The following CCSER2 variants were observed in gnomAD, a reference collection of about 807,000 sequenced individuals.
CCSER2 encodes the protein coiled-coil serine rich protein 2, also known as serine-rich coiled-coil domain-containing protein 2.
A neutral mutation model predicts 92.3 loss-of-function variants in CCSER2; 46 were observed. The ratio of observed to expected loss-of-function variants is 0.50; its 90% CI spans 0.39 to 0.64. CCSER2 has a LOEUF of 0.64. Ranked by LOEUF, CCSER2 falls within the 30% of genes least tolerant of loss-of-function variation. CCSER2 has a pLI of 0.00. For missense variants in CCSER2, 1,244 were observed against 1,238.9 expected (o/e 1.00, Z -0.06); for synonymous variants, 433 against 431.4 (o/e 1.00, Z -0.04).
chr10:84,356,101 C>CAAAAA (rs57079136), intron 1 of CCSER2, among the ~76,000 whole-genome samples: 1 of 84,070 alleles, frequency 1.2e-5, no homozygotes, highest in South Asian at 4.0e-4. Flanking sequence ...GAAACTGTCT[C>CAAAAA]AAAAAAAAAA....
chr10:84,468,933 G>A (rs892459110), intron 7 of CCSER2, among the ~76,000 whole-genome samples: 4 of 152,062 alleles, frequency 2.6e-5, no homozygotes, highest in African/African-American at 9.7e-5. Flanking sequence ...ATTACATTGG[G>A]TATTTCACCA....
chr10:84,427,834 A>C (rs181616330), intron 5 of CCSER2, among the ~76,000 whole-genome samples: 44 of 152,302 alleles, frequency 2.9e-4, no homozygotes, highest in Admixed American at 2.5e-3. Flanking sequence ...TCTTTCCCAA[A>C]TATACTACTT....
Position 84,347,026 on chromosome 10 carries a change from A to G in CCSER2, c.-40+18218A>G, listed in dbSNP as rs527860355. Among the ~76,000 whole-genome samples, 393 of 152,290 alleles carry G rather than the reference A, an allele frequency of 2.6e-3. 1 individual carries two copies. The highest frequency in any genetic ancestry group is 8.5e-3 in the African/African-American group (355 of 41,564). On this transcript the variant is annotated intron_variant, in intron 1 of 9. Coordinates refer to ENST00000372088, the MANE Select transcript of CCSER2 (RefSeq NM_001284240.2). ...TTCAAGCATCTGTTTAACAAAGCAC[A>G]TCTTGCACCGCCCTTAATCCATTTA...
At chr10:84,431,034 C>G (rs976389483) in intron 5 of CCSER2, among the ~76,000 whole-genome samples, 2 of 152,120 alleles carry the variant, frequency 1.3e-5, no homozygotes, top group Admixed American at 6.5e-5. Context: ...CATATGCTTT[C>G]TCACCTTCCA....
chr10:84,461,524 T>C (rs1846099901), intron 6 of CCSER2, among the ~76,000 whole-genome samples: 1 of 152,290 alleles, frequency 6.6e-6, no homozygotes, highest in African/African-American at 2.4e-5. Context: ...GATTGGATAA[T>C]TTTTGTTGAT....
intron 3 of CCSER2, among the ~76,000 whole-genome samples, chr10:84,394,538 C>T (rs955166109): frequency 7.3e-5 from 11 of 151,606 alleles, no homozygotes; most frequent in African/African-American, 2.2e-4. Flanking sequence ...TTTTAGCATA[C>T]GGAACAGCAT....
intron 4 of CCSER2, among the ~76,000 whole-genome samples, chr10:84,424,480 A>G (rs1843326164): frequency 6.6e-6 from 1 of 152,212 alleles, no homozygotes; most frequent in African/African-American, 2.4e-5. Flanking sequence ...ATTGTTATAC[A>G]TTTAGAGGAA....
intron 3 of CCSER2, among the ~76,000 whole-genome samples, chr10:84,405,355 G>A (rs548869612): frequency 1.3e-5 from 2 of 150,346 alleles, no homozygotes; most frequent in African/African-American, 4.8e-5. Context: ...TAATTGTGAA[G>A]TGTAAAACTG....
At chr10:84,432,032 A>G (rs942612961) in intron 5 of CCSER2, among the ~76,000 whole-genome samples, 6 of 152,160 alleles carry the variant, frequency 3.9e-5, no homozygotes, top group Non-Finnish European at 8.8e-5. Context: ...GCAATGAATG[A>G]GAACTTCTGT....
intron 9 of CCSER2, among the ~76,000 whole-genome samples, chr10:84,479,067 T>C (rs1314346601): frequency 3.3e-5 from 5 of 152,188 alleles, no homozygotes; most frequent in Admixed American, 3.3e-4. Flanking sequence ...TTAAGCATGA[T>C]AAGTTCCATT....
chr10:84,378,591 C>T (rs1248086643), intron 3 of CCSER2, among the ~76,000 whole-genome samples: 4 of 151,982 alleles, frequency 2.6e-5, no homozygotes, highest in Admixed American at 1.3e-4. Context: ...CCTGCCATCA[C>T]GCCTGGCTAA....
Position 84,398,884 on chromosome 10 carries a change from A to G in CCSER2, c.1615-18887A>G, listed in dbSNP as rs1377861487. 2.0e-5 allele frequency among the ~76,000 whole-genome samples: 3 copies of G among 152,206 alleles called. No homozygotes were observed. In the East Asian group the frequency reaches 5.8e-4, roughly 29 times the overall value. ...CTGTTTTCTTGGTCTGGGAACCAGTATATTTTAAGGAAGTTTCTTCTGTAC... is the reference window on the plus strand; with the variant it reads ...CTGTTTTCTTGGTCTGGGAACCAGTGTATTTTAAGGAAGTTTCTTCTGTAC... On this transcript the variant is annotated intron_variant, in intron 3 of 9. Transcript: ENST00000372088.
chr10:84,361,929 C>T (rs1389266562), intron 1 of CCSER2, among the ~76,000 whole-genome samples: 2 of 152,108 alleles, frequency 1.3e-5, no homozygotes, highest in African/African-American at 4.8e-5. Context: ...CGTGAGCCAC[C>T]GTGCCTGGCC....
In CCSER2 at chr10:84,359,540, T is replaced by C. The variant is rs562965124; in HGVS notation, c.-39-11474T>C. 2.2e-3 allele frequency among the ~76,000 whole-genome samples: 337 copies of C among 152,140 alleles called. 6 individuals are homozygous for C. Among genetic ancestry groups the C allele is most frequent in the Non-Finnish European group, 1.2e-3 (82 of 68,014 alleles). ...AGAAAATCTATTTTTAACAAGTTTCTAGGTGTTATTGATGCTACTGCTGAT... is the reference window on the plus strand; with the variant it reads ...AGAAAATCTATTTTTAACAAGTTTCCAGGTGTTATTGATGCTACTGCTGAT... On this transcript the variant is annotated intron_variant, in intron 1 of 9. Transcript: ENST00000372088.
chr10:84,455,491 G>T (rs1423051279), intron 6 of CCSER2: 4 of 303,592 alleles, frequency 1.3e-5, no homozygotes, highest in African/African-American at 6.7e-5. Flanking sequence ...GGCCAGGCTG[G>T]TCTCAAACTC....
rs1004640171 is a variant in CCSER2, at chr10:84,391,899, G to T, written c.1614+18084G>T. 17 of 1,353,396 alleles carry T rather than the reference G, an allele frequency of 1.3e-5. No individual in the cohort carries two copies. The African/African-American group carries it at 2.4e-4, about 19-fold the overall frequency. 83.8% of individuals were successfully genotyped at this position (1,353,396 alleles called of 1,614,324 possible). A position where few individuals can be genotyped will look rare whatever the true frequency, so the allele number is the denominator to read the frequency against. ...TTTTTTGTGATGCTGTTGCATCATG[G>T]ATTAACCCAAAAGATGATCTCAGAG... On this transcript the variant is annotated intron_variant, in intron 3 of 9. Coordinates refer to ENST00000372088, the MANE Select transcript of CCSER2 (RefSeq NM_001284240.2).
At chr10:84,391,471 T>G in intron 3 of CCSER2, 1 of 1,566,696 alleles carries the variant, frequency 6.4e-7, no homozygotes, top group Non-Finnish European at 8.8e-7. Flanking sequence ...AAGCTTGCTT[T>G]CAGCATGTTA....
chr10:84,444,579 G>T (rs190227971), intron 6 of CCSER2, among the ~76,000 whole-genome samples: 2 of 152,216 alleles, frequency 1.3e-5, no homozygotes, highest in African/African-American at 4.8e-5. Flanking sequence ...TCCAAGGCCT[G>T]TTGCACACAG....
At chr10:84,439,169 T>C (rs1844367854) in intron 6 of CCSER2, among the ~76,000 whole-genome samples, 1 of 149,932 alleles carries the variant, frequency 6.7e-6, no homozygotes, top group Admixed American at 6.8e-5. Context: ...TCTTCAAGTT[T>C]AATCTTCTCC....
Sources: gnomAD v4.1 joint callset for allele counts (sites outside exome capture counted in the v4.1 genomes callset) on GRCh38, gnomAD v4.1.1 for gene constraint, MANE v1.5 for transcripts, NCBI Gene and HGNC (gene_info 2026-07-23, HGNC 2026-07-21) for gene names.